The following SUGCT variants were observed in gnomAD, a reference collection of about 807,000 sequenced individuals.
SUGCT encodes the protein succinyl-CoA:glutarate CoA-transferase.
In SUGCT, 41 loss-of-function variants were observed where a neutral mutation model predicts 55.0. That is an observed-to-expected ratio of 0.74 (90% CI 0.58 to 0.97). SUGCT has a LOEUF of 0.97. Ranked by LOEUF, SUGCT falls within the 50% of genes least tolerant of loss-of-function variation. SUGCT has a pLI of 0.00. For synonymous variants in SUGCT, 187 were observed against 200.4 expected, an observed-to-expected ratio of 0.93 and a Z score of 0.56; for missense variants, 568 against 547.8, an observed-to-expected ratio of 1.04 and a Z score of -0.37.
At chr7:40,266,858 TA>T (rs1261424368) in intron 7 of SUGCT, among the ~76,000 whole-genome samples, 1 of 151,506 alleles carries the variant, frequency 6.6e-6, no homozygotes, top group Non-Finnish European at 1.5e-5. Context: ...CTACTAAAAA[TA>T]AAAAAATTAG....
the SUGCT span, among the ~76,000 whole-genome samples, chr7:40,951,019 GT>G: frequency 6.6e-6 from 1 of 152,078 alleles, no homozygotes; most frequent in African/African-American, 2.4e-5. Flanking sequence ...GATTGGAATA[GT>G]TTCAGAAGGA....
At chr7:40,856,070 C>G (rs1420247992) in intron 13 of SUGCT, among the ~76,000 whole-genome samples, 4 of 152,162 alleles carry the variant, frequency 2.6e-5, no homozygotes, top group Non-Finnish European at 5.9e-5. Flanking sequence ...ACTTTAAGAT[C>G]AAAGGCTCTT....
At chr7:41,012,395 CTCTG>C in the SUGCT span, among the ~76,000 whole-genome samples, 2 of 152,184 alleles carry the variant, frequency 1.3e-5, no homozygotes, top group African/African-American at 2.4e-5. Flanking sequence ...ACCCAGCCTG[CTCTG>C]TGATCCTGGT....
intron 9 of SUGCT, among the ~76,000 whole-genome samples, chr7:40,326,676 A>G (rs993820846): frequency 3.9e-5 from 6 of 152,224 alleles, no homozygotes; most frequent in African/African-American, 1.4e-4. Flanking sequence ...AGAATCATGT[A>G]TGGCAGCATC....
At chr7:40,308,558 A>G (rs994489491) in intron 8 of SUGCT, among the ~76,000 whole-genome samples, 1 of 152,194 alleles carries the variant, frequency 6.6e-6, no homozygotes, top group Non-Finnish European at 1.5e-5. Context: ...GCAAGGACCC[A>G]TATGATATGG....
intron 13 of SUGCT, among the ~76,000 whole-genome samples, chr7:40,769,321 G>A (rs983190941): frequency 3.3e-5 from 5 of 152,188 alleles, no homozygotes; most frequent in African/African-American, 9.7e-5. Context: ...GATTCCTTGA[G>A]GTGGTGGCTG....
At chr7:40,890,395 T>A in the SUGCT span, among the ~76,000 whole-genome samples, 8 of 129,496 alleles carry the variant, frequency 6.2e-5, no homozygotes, top group African/African-American at 2.2e-4. Flanking sequence ...GCTTTCACCC[T>A]TGTGGACCCA....
intron 12 of SUGCT, among the ~76,000 whole-genome samples, chr7:40,669,730 A>G (rs1319211656): frequency 6.6e-6 from 1 of 152,016 alleles, no homozygotes; most frequent in Non-Finnish European, 1.5e-5. Context: ...TGAAGATAGA[A>G]CAAAATAAAT....
the SUGCT span, among the ~76,000 whole-genome samples, chr7:40,934,319 C>G: frequency 6.6e-6 from 1 of 152,136 alleles, no homozygotes; most frequent in Admixed American, 6.5e-5. Context: ...AAGCTTCATC[C>G]CAGAGGGGCA....
intron 12 of SUGCT, among the ~76,000 whole-genome samples, chr7:40,571,502 C>T (rs1031896614): frequency 2.0e-5 from 3 of 152,148 alleles, no homozygotes; most frequent in Non-Finnish European, 2.9e-5. Flanking sequence ...TCTATACTTT[C>T]TGTATACAGG....
intron 13 of SUGCT, among the ~76,000 whole-genome samples, chr7:40,843,971 G>T (rs991531976): frequency 2.0e-5 from 3 of 152,040 alleles, no homozygotes; most frequent in Non-Finnish European, 4.4e-5. Context: ...CATTTACTCG[G>T]CCCGCAGCTC....
chr7:40,439,115 T>TAGAG (rs1249502218), intron 9 of SUGCT, among the ~76,000 whole-genome samples: 28 of 118,430 alleles, frequency 2.4e-4, no homozygotes, highest in African/African-American at 8.9e-4. Flanking sequence ...TATATATGGA[T>TAGAG]AGAGAGAGAG....
the SUGCT span, among the ~76,000 whole-genome samples, chr7:40,961,190 A>C: frequency 2.6e-5 from 4 of 152,230 alleles, no homozygotes; most frequent in Non-Finnish European, 4.4e-5. Context: ...AAATACTTCA[A>C]ACTGGATTAA....
intron 12 of SUGCT, among the ~76,000 whole-genome samples, chr7:40,553,561 T>C (rs904202840): frequency 6.6e-6 from 1 of 152,254 alleles, no homozygotes; most frequent in East Asian, 1.9e-4. Flanking sequence ...TTTCTAAATA[T>C]AGATATTTAT....
At chr7:40,596,059 A>G (rs914340567) in intron 12 of SUGCT, among the ~76,000 whole-genome samples, 1 of 152,238 alleles carries the variant, frequency 6.6e-6, no homozygotes, top group Non-Finnish European at 1.5e-5. Context: ...CATGGCTGAC[A>G]TGTTTATAAG....
intron 12 of SUGCT, among the ~76,000 whole-genome samples, chr7:40,632,334 A>G (rs557372849): frequency 5.9e-5 from 9 of 152,084 alleles, no homozygotes; most frequent in African/African-American, 1.7e-4. Context: ...CATGTGGTGT[A>G]TAACTAGTAA....
At chr7:40,302,619 G>A (rs1173940071) in intron 8 of SUGCT, among the ~76,000 whole-genome samples, 1 of 152,156 alleles carries the variant, frequency 6.6e-6, no homozygotes, top group African/African-American at 2.4e-5. Context: ...AGTTTCTAGA[G>A]CTCATGGAGG....
the SUGCT span, among the ~76,000 whole-genome samples, chr7:40,893,333 G>T: frequency 1.3e-5 from 2 of 152,208 alleles, no homozygotes; most frequent in East Asian, 3.9e-4. Context: ...AGATCAAATG[G>T]ATCAAACAGA....
At chr7:40,433,630 G>T (rs1274543256) in intron 9 of SUGCT, among the ~76,000 whole-genome samples, 1 of 152,120 alleles carries the variant, frequency 6.6e-6, no homozygotes, top group Admixed American at 6.5e-5. Flanking sequence ...GCATGGGAGT[G>T]GTGCTCATGC....
Sources: gnomAD v4.1 joint callset for allele counts (sites outside exome capture counted in the v4.1 genomes callset) on GRCh38, gnomAD v4.1.1 for gene constraint, MANE v1.5 for transcripts, NCBI Gene and HGNC (gene_info 2026-07-23, HGNC 2026-07-21) for gene names.